The following NKD2 variants were observed in gnomAD, a reference collection of about 807,000 sequenced individuals.
NKD2 encodes the protein NKD inhibitor of Wnt signaling pathway 2.
NKD2 carries 43 observed loss-of-function variants against 34.8 expected under a neutral mutation model. That is an observed-to-expected ratio of 1.24 (90% CI 0.97 to 1.60). The LOEUF (loss-of-function observed/expected upper bound fraction) is 1.60, where lower values mean the gene tolerates loss of function less well. NKD2 is among the 40% of genes most tolerant of loss of function. The pLI, the probability that NKD2 is intolerant of heterozygous loss-of-function variation, is 0.00. For missense variants in NKD2, 675 were observed against 627.1 expected (o/e 1.08, Z -0.82); for synonymous variants, 278 against 265.1 (o/e 1.05, Z -0.47).
At chr5:1,027,503 C>T (rs1421729221) in intron 3 of NKD2, among the ~76,000 whole-genome samples, 1 of 152,214 alleles carries the variant, frequency 6.6e-6, no homozygotes, top group Non-Finnish European at 1.5e-5. Context: ...TCCCCGCTCC[C>T]TCTCCTCTGC....
intron 3 of NKD2, among the ~76,000 whole-genome samples, chr5:1,015,753 G>C (rs1395960393): frequency 6.6e-6 from 1 of 152,356 alleles, no homozygotes; most frequent in African/African-American, 2.4e-5. Flanking sequence ...GCCTGTCCAT[G>C]TGTGGAACCC....
Position 1,033,362 on chromosome 5 carries a change from G to A in NKD2, c.203-10G>A, listed in dbSNP as rs771024242. ...TCTGCCAGCCCCTTCGCCTCCTCTT[G>A]TCCCCCTAGTGGCACTCCCCGCTGA... On this transcript the variant is annotated splice_polypyrimidine_tract_variant and intron_variant, in intron 4 of 9. Coordinates refer to ENST00000296849, the MANE Select transcript of NKD2 (RefSeq NM_033120.4). 6.3e-7 allele frequency: 1 copy of A among 1,593,018 alleles called. No individual in the cohort carries two copies. The highest frequency in any genetic ancestry group is 1.7e-4 in the Middle Eastern group (1 of 6,016).
At chr5:1,029,562 G>A (rs967274063) in intron 3 of NKD2, among the ~76,000 whole-genome samples, 1 of 152,118 alleles carries the variant, frequency 6.6e-6, no homozygotes. Context: ...CCCCACAAGT[G>A]CGCTCAGAAT....
intron 3 of NKD2, among the ~76,000 whole-genome samples, chr5:1,011,054 C>G (rs150888854): frequency 6.6e-6 from 1 of 152,198 alleles, no homozygotes; most frequent in Non-Finnish European, 1.5e-5. Context: ...AGACCTGCCA[C>G]TCTACACTGG....
At chr5:1,037,012 G>A (rs1734009670) in intron 9 of NKD2, 1 of 335,502 alleles carries the variant, frequency 3.0e-6, no homozygotes, top group Non-Finnish European at 5.6e-6. Flanking sequence ...AGTGTGGATG[G>A]CGGGCAATGT....
At chr5:1,015,911 C>T (rs765588777) in intron 3 of NKD2, among the ~76,000 whole-genome samples, 13 of 152,228 alleles carry the variant, frequency 8.5e-5, no homozygotes, top group Admixed American at 2.0e-4. Context: ...GACCCCTAAT[C>T]AGTTCCAAGG....
At chr5:1,014,628 C>A (rs1013731786) in intron 3 of NKD2, among the ~76,000 whole-genome samples, 1 of 152,192 alleles carries the variant, frequency 6.6e-6, no homozygotes, top group Admixed American at 6.5e-5. Flanking sequence ...CCATGGCCAC[C>A]CCAGGTCCAG....
chr5:1,034,400 C>T (rs968521188), intron 6 of NKD2, 70 bp downstream of exon 6: 12 of 1,287,410 alleles, frequency 9.3e-6, no homozygotes, highest in Non-Finnish European at 1.3e-5. Context: ...GTGCTGGCCT[C>T]GCGATACCTC....
chr5:1,013,361 C>T (rs78544336), intron 3 of NKD2, among the ~76,000 whole-genome samples: 3,594 of 152,338 alleles, frequency 0.024, 147 homozygotes, highest in African/African-American at 0.082. Flanking sequence ...CTCTGTGTGC[C>T]TGGCCCTTGG....
chr5:1,019,687 C>T (rs548932981), intron 3 of NKD2, among the ~76,000 whole-genome samples: 4 of 152,296 alleles, frequency 2.6e-5, no homozygotes, highest in African/African-American at 4.8e-5. Context: ...CAGCATTTTC[C>T]GCTGTTTCTC....
intron 6 of NKD2, 132 bp from the exon 7 acceptor site, chr5:1,034,624 G>T: frequency 1.0e-6 from 1 of 1,001,104 alleles, no homozygotes; most frequent in Non-Finnish European, 1.5e-6. Flanking sequence ...TGCCTGTGTT[G>T]GTTCCTGTGG....
At chr5:1,010,052 G>C (rs910475962) in intron 3 of NKD2, among the ~76,000 whole-genome samples, 5 of 152,218 alleles carry the variant, frequency 3.3e-5, no homozygotes, top group African/African-American at 9.6e-5. Context: ...CCATCTCTGG[G>C]AGGGGTGACC....
intron 3 of NKD2, among the ~76,000 whole-genome samples, chr5:1,031,196 A>G (rs1323842026): frequency 2.6e-5 from 4 of 152,160 alleles, no homozygotes; most frequent in East Asian, 3.9e-4. Context: ...ATAGGAGGTC[A>G]GAAGAGATGA....
intron 3 of NKD2, among the ~76,000 whole-genome samples, chr5:1,028,986 C>T (rs1196022533): frequency 6.6e-6 from 1 of 152,198 alleles, no homozygotes; most frequent in Admixed American, 6.5e-5. Context: ...TGGGGAGGGG[C>T]TGCACATCTG....
chr5:1,019,213 C>T (rs1407777295), intron 3 of NKD2, among the ~76,000 whole-genome samples: 2 of 152,198 alleles, frequency 1.3e-5, no homozygotes, highest in African/African-American at 4.8e-5. Flanking sequence ...GACCCCAAGA[C>T]GTGCTGTAAG....
Position 1,030,776 on chromosome 5 carries a change from GTTTC to G in NKD2, c.142-1373_142-1370del, listed in dbSNP as rs1205372923. Among the ~76,000 whole-genome samples the G allele has an allele frequency of 4.6e-5, 7 of 152,262 alleles. No individual in the cohort carries two copies. In the East Asian group the frequency reaches 1.2e-3, roughly 25 times the overall value. On this transcript the variant is annotated intron_variant, in intron 3 of 9. Transcript: ENST00000296849. Reference sequence around the variant, plus strand: ...CTACTTTTTAATAATCAGCTGTTTTGTTTCTTATTAAAATGAGGGCAAGCTCTCC... The same window carrying G: ...CTACTTTTTAATAATCAGCTGTTTTGTTATTAAAATGAGGGCAAGCTCTCC...
At position 1,009,241 on chromosome 5, in the gene NKD2, CG is replaced by C; in HGVS notation, c.61+33del. On this transcript the variant is annotated intron_variant, in intron 2 of 9. Transcript: ENST00000296849. The surrounding 1 kb of genome is among the most constrained non-coding windows in gnomAD (Gnocchi z 6.9). ...TGAGCGGGCGAGCCGACGGGCGGGG[CG>C]GGGGGCGGCGACCCGGCCCGGGACC... 9 of 488,940 alleles carry C rather than the reference CG, an allele frequency of 1.8e-5. No individual in the cohort carries two copies. Among genetic ancestry groups the C allele is most frequent in the South Asian group, 6.4e-5 (2 of 31,044 alleles). 30.3% of individuals were successfully genotyped at this position (488,940 alleles called of 1,614,324 possible). A position where few individuals can be genotyped will look rare whatever the true frequency, so the allele number is the denominator to read the frequency against.
chr5:1,009,413 C>T lies in NKD2; in HGVS notation c.62-68C>T. ...GGACACAGCGAAGGCGCAGCGCCCGCGGGGCTCACGGCGCGTCTCTTTCCC... is the reference window on the plus strand; with the variant it reads ...GGACACAGCGAAGGCGCAGCGCCCGTGGGGCTCACGGCGCGTCTCTTTCCC... On this transcript the variant is annotated intron_variant, in intron 2 of 9. Coordinates refer to ENST00000296849, the MANE Select transcript of NKD2 (RefSeq NM_033120.4). The surrounding 1 kb of genome is among the most constrained non-coding windows in gnomAD (Gnocchi z 6.9). 4.5e-6 allele frequency: 6 copies of T among 1,340,606 alleles called. No homozygotes were observed. The highest frequency in any genetic ancestry group is 1.3e-5 in the South Asian group (1 of 75,180). 83.0% of individuals were successfully genotyped at this position (1,340,606 alleles called of 1,614,324 possible).
chr5:1,017,672 C>A (rs539816045), intron 3 of NKD2, among the ~76,000 whole-genome samples: 4 of 151,998 alleles, frequency 2.6e-5, no homozygotes, highest in African/African-American at 4.8e-5. Flanking sequence ...CACAGCCCCC[C>A]ACCACGGGGC....
Sources: gnomAD v4.1 joint callset for allele counts (sites outside exome capture counted in the v4.1 genomes callset) on GRCh38, gnomAD v4.1.1 for gene constraint, Gnocchi (gnomAD v3.1) non-coding constraint, MANE v1.5 for transcripts, NCBI Gene and HGNC (gene_info 2026-07-23, HGNC 2026-07-21) for gene names.